The following SOX6 variants were observed in gnomAD, a reference collection of about 807,000 sequenced individuals.
SOX6 encodes transcription factor SOX-6.
Under a neutral mutation model 97.8 loss-of-function variants are expected in SOX6, and 11 were observed. That is an observed-to-expected ratio of 0.11 (90% CI 0.07 to 0.19). The LOEUF (loss-of-function observed/expected upper bound fraction) is 0.19, where lower values mean the gene tolerates loss of function less well. Among genes scored for constraint, SOX6 ranks in the 10% least tolerant of loss-of-function variants. The pLI is 1.00. For synonymous variants in SOX6, 360 were observed against 371.4 expected (o/e 0.97, Z 0.35); for missense variants, 810 against 1,039.5 (o/e 0.78, Z 3.04).
chr11:16,595,495 A>G (rs1016203334), intron 4 of SOX6, among the ~76,000 whole-genome samples: 2 of 152,036 alleles, frequency 1.3e-5, no homozygotes, highest in African/African-American at 4.8e-5. Context: ...CAGATTATGA[A>G]ATTAGGTGGG....
intron 2 of SOX6, among the ~76,000 whole-genome samples, chr11:16,325,518 CAG>C (rs1459818165): frequency 6.6e-6 from 1 of 151,808 alleles, no homozygotes; most frequent in Non-Finnish European, 1.5e-5. Context: ...TTAGGGGAAA[CAG>C]AAAAAAATAG....
chr11:16,051,857 G>A (rs189412348), intron 10 of SOX6, among the ~76,000 whole-genome samples: 10 of 151,766 alleles, frequency 6.6e-5, no homozygotes, highest in African/African-American at 1.7e-4. Context: ...TAGTCTATTC[G>A]ATGTTGCCCC....
intron 1 of SOX6, among the ~76,000 whole-genome samples, chr11:16,415,542 G>C (rs1858909721): frequency 6.6e-6 from 1 of 152,088 alleles, no homozygotes; most frequent in African/African-American, 2.4e-5. Flanking sequence ...TTTTCAAGTA[G>C]CTAGAAGACA....
intron 3 of SOX6, among the ~76,000 whole-genome samples, chr11:16,298,433 T>C (rs1855161881): frequency 6.6e-6 from 1 of 152,156 alleles, no homozygotes; most frequent in African/African-American, 2.4e-5. Flanking sequence ...ATTCTGAATA[T>C]AGCCTCTCAT....
chr11:16,087,277 C>A (rs1456556573), intron 9 of SOX6, among the ~76,000 whole-genome samples: 4 of 151,956 alleles, frequency 2.6e-5, no homozygotes, highest in African/African-American at 9.7e-5. Context: ...AATATTAATA[C>A]TACTCATGTT....
At chr11:16,524,071 C>A (rs952700090) in intron 4 of SOX6, among the ~76,000 whole-genome samples, 3 of 152,186 alleles carry the variant, frequency 2.0e-5, no homozygotes, top group Non-Finnish European at 4.4e-5. Flanking sequence ...TGGTACCATT[C>A]CTTCTGAAAC....
intron 6 of SOX6, among the ~76,000 whole-genome samples, chr11:16,156,988 A>C (rs1292871855): frequency 6.6e-6 from 1 of 151,978 alleles, no homozygotes; most frequent in Non-Finnish European, 1.5e-5. Flanking sequence ...GTGTATTATC[A>C]CTGCTCACTG....
upstream of SOX6, among the ~76,000 whole-genome samples, chr11:16,360,252 C>T (rs952022559): frequency 6.6e-6 from 1 of 152,072 alleles, no homozygotes; most frequent in African/African-American, 2.4e-5. Flanking sequence ...GATGCCTAGT[C>T]TGTTTGGATG....
At chr11:16,519,897 T>C (rs1028711438) in intron 4 of SOX6, among the ~76,000 whole-genome samples, 1 of 152,302 alleles carries the variant, frequency 6.6e-6, no homozygotes, top group East Asian at 1.9e-4. Flanking sequence ...TTTTGACTGG[T>C]GTGAGATGCT....
chr11:16,505,246 T>C (rs1271586572), intron 4 of SOX6, among the ~76,000 whole-genome samples: 1 of 152,096 alleles, frequency 6.6e-6, no homozygotes, highest in African/African-American at 2.4e-5. Context: ...CAGATGGAGA[T>C]GAGGAACTTA....
At chr11:16,112,067 A>G (rs780734485) in intron 6 of SOX6, 144 bp from the exon 7 acceptor site, 3 of 1,064,930 alleles carry the variant, frequency 2.8e-6, no homozygotes, top group Non-Finnish European at 4.2e-6. Context: ...GAGAAAATTC[A>G]GTTAAAATCC....
At chr11:16,150,295 C>G (rs1850426392) in intron 6 of SOX6, among the ~76,000 whole-genome samples, 1 of 152,240 alleles carries the variant, frequency 6.6e-6, no homozygotes, top group East Asian at 1.9e-4. Flanking sequence ...ATCTTCCAGG[C>G]CAAAATGTAA....
chr11:16,703,523 T>A (rs1466287901), intron 3 of SOX6, among the ~76,000 whole-genome samples: 1 of 152,150 alleles, frequency 6.6e-6, no homozygotes, highest in Non-Finnish European at 1.5e-5. Flanking sequence ...TTTTTGCTTT[T>A]CAGTTTGTCA....
Position 15,972,627 on chromosome 11 carries a change from C to T in SOX6, c.*182G>A. On this transcript the variant is annotated 3_prime_UTR_variant, in exon 16 of 16. Transcript: ENST00000683767. Reference sequence around the variant, plus strand: ...ACAACAACAACAATAACAATAACAACAAAAAACTCAAGTTCATGAAAAATC... The same window carrying T: ...ACAACAACAACAATAACAATAACAATAAAAAACTCAAGTTCATGAAAAATC... The T allele has an allele frequency of 1.5e-6, 1 of 653,080 alleles. No homozygotes were observed. The highest frequency in any genetic ancestry group is 2.6e-6 in the Non-Finnish European group (1 of 385,448). 40.5% of individuals were successfully genotyped at this position (653,080 alleles called of 1,614,324 possible).
chr11:16,021,030 A>G (rs1296210334), intron 12 of SOX6, among the ~76,000 whole-genome samples: 1 of 152,198 alleles, frequency 6.6e-6, no homozygotes, highest in East Asian at 1.9e-4. Context: ...TAAAAGAGGT[A>G]AATAAGCAAT....
rs1177395440 is a variant in SOX6, at chr11:16,107,418, C to CAT, written c.898+4383_898+4384dup. Among the ~76,000 whole-genome samples the CAT allele has an allele frequency of 7.8e-3, 1,104 of 141,264 alleles. 14 individuals carry two copies. The highest frequency in any genetic ancestry group is 0.029 in the African/African-American group (1,039 of 36,298). The allele number at this position is 141,264 out of a possible 152,430, so 92.7% of individuals were successfully genotyped here. A position where few individuals can be genotyped will look rare whatever the true frequency, so the allele number is the denominator to read the frequency against. ...ATGTATATATATGTATATATATATA[C>CAT]ATATATATACATATATATACACAAT... On this transcript the variant is annotated intron_variant, in intron 7 of 15. Coordinates refer to ENST00000683767, the MANE Select transcript of SOX6 (RefSeq NM_001367873.1).
At chr11:16,379,947 G>A (rs1030858331) in intron 1 of SOX6, among the ~76,000 whole-genome samples, 1 of 151,592 alleles carries the variant, frequency 6.6e-6, no homozygotes, top group Non-Finnish European at 1.5e-5. Context: ...AACTGTAAAT[G>A]ATATACCATT....
At chr11:16,153,271 G>A (rs1191046654) in intron 6 of SOX6, among the ~76,000 whole-genome samples, 1 of 152,108 alleles carries the variant, frequency 6.6e-6, no homozygotes, top group Non-Finnish European at 1.5e-5. Flanking sequence ...GCCTCCAAAA[G>A]TGTTGGGATT....
intron 1 of SOX6, among the ~76,000 whole-genome samples, chr11:16,395,999 G>A (rs1858342604): frequency 6.6e-6 from 1 of 151,342 alleles, no homozygotes; most frequent in Admixed American, 6.6e-5. Context: ...TTCTTTCTCA[G>A]GCTCATATCA....
Sources: gnomAD v4.1 joint callset for allele counts (sites outside exome capture counted in the v4.1 genomes callset) on GRCh38, gnomAD v4.1.1 for gene constraint, MANE v1.5 for transcripts, NCBI Gene and HGNC (gene_info 2026-07-23, HGNC 2026-07-21) for gene names.